SGCZ: variants seen among roughly 807,000 people sequenced by gnomAD.
The protein encoded by SGCZ is sarcoglycan zeta.
SGCZ carries 40 observed loss-of-function variants against 41.3 expected under a neutral mutation model. The observed-to-expected ratio is 0.97, with a 90% CI of 0.75 to 1.26. The LOEUF (loss-of-function observed/expected upper bound fraction) is 1.26, where lower values mean the gene tolerates loss of function less well. Among genes scored for constraint, SGCZ ranks in the 50% most tolerant of loss-of-function variants. The pLI is 0.00. For synonymous variants in SGCZ, 206 were observed against 137.5 expected, an observed-to-expected ratio of 1.50 and a Z score of -3.49; for missense variants, 552 against 369.8, an observed-to-expected ratio of 1.49 and a Z score of -4.04.
intron 1 of SGCZ, among the ~76,000 whole-genome samples, chr8:14,555,888 A>G (rs185219950): frequency 3.9e-5 from 6 of 152,198 alleles, no homozygotes; most frequent in East Asian, 1.9e-4. Flanking sequence ...TGGTTATTTT[A>G]GTTGTATTTC....
chr8:14,985,445 C>T (rs762334290), intron 1 of SGCZ, among the ~76,000 whole-genome samples: 1 of 152,146 alleles, frequency 6.6e-6, no homozygotes, highest in Non-Finnish European at 1.5e-5. Context: ...TTTCAGGCAA[C>T]TTTCCACTAA....
At chr8:15,065,939 C>T (rs1805123716) in intron 1 of SGCZ, among the ~76,000 whole-genome samples, 1 of 152,182 alleles carries the variant, frequency 6.6e-6, no homozygotes, top group African/African-American at 2.4e-5. Context: ...TGAAATTTCA[C>T]GTCTTCCTTT....
intron 1 of SGCZ, among the ~76,000 whole-genome samples, chr8:14,572,840 A>G (rs1411031444): frequency 6.6e-6 from 1 of 152,166 alleles, no homozygotes; most frequent in Non-Finnish European, 1.5e-5. Flanking sequence ...AGATTTTTAA[A>G]TCCAGGTCTG....
intron 3 of SGCZ, among the ~76,000 whole-genome samples, chr8:14,265,914 A>G (rs1001309033): frequency 3.4e-4 from 52 of 151,910 alleles, no homozygotes; most frequent in African/African-American, 1.0e-3. Flanking sequence ...GGGAGAGGAG[A>G]TTTGAAAACA....
intron 2 of SGCZ, among the ~76,000 whole-genome samples, chr8:14,426,033 A>G (rs1045677977): frequency 7.9e-5 from 12 of 152,198 alleles, no homozygotes; most frequent in Non-Finnish European, 1.5e-4. Context: ...TTTAATCCAT[A>G]CAAGAATTCA....
intron 3 of SGCZ, among the ~76,000 whole-genome samples, chr8:14,288,329 G>A (rs914899613): frequency 1.3e-5 from 2 of 151,908 alleles, no homozygotes; most frequent in Non-Finnish European, 2.9e-5. Context: ...CAATTAAGTG[G>A]CAGGTAGTAC....
chr8:14,469,652 C>T (rs1801158401), intron 2 of SGCZ, among the ~76,000 whole-genome samples: 1 of 152,054 alleles, frequency 6.6e-6, no homozygotes, highest in African/African-American at 2.4e-5. Flanking sequence ...CCAGAAAGAC[C>T]AAGGCATGAT....
intron 3 of SGCZ, among the ~76,000 whole-genome samples, chr8:14,281,863 C>A (rs1381812579): frequency 5.4e-5 from 1 of 18,562 alleles, no homozygotes; most frequent in Non-Finnish European, 9.1e-4. Flanking sequence ...CAGAACCATA[C>A]TGTTCTTTTT....
chr8:14,740,078 A>G (rs1012156711), intron 1 of SGCZ, among the ~76,000 whole-genome samples: 2 of 152,058 alleles, frequency 1.3e-5, no homozygotes, highest in Non-Finnish European at 2.9e-5. Context: ...AACGTGAAGC[A>G]TATAATAATA....
At chr8:14,163,791 G>A (rs1471398268) in intron 5 of SGCZ, among the ~76,000 whole-genome samples, 1 of 152,052 alleles carries the variant, frequency 6.6e-6, no homozygotes, top group Non-Finnish European at 1.5e-5. Context: ...AAATTAATAT[G>A]GATAGATACG....
chr8:15,077,196 T>C (rs929260325), intron 1 of SGCZ, among the ~76,000 whole-genome samples: 2 of 152,148 alleles, frequency 1.3e-5, no homozygotes, highest in Non-Finnish European at 2.9e-5. Context: ...CTCGACTTTA[T>C]CAGAAATAAG....
intron 5 of SGCZ, among the ~76,000 whole-genome samples, chr8:14,130,765 A>C (rs941931663): frequency 1.1e-4 from 16 of 152,228 alleles, no homozygotes; most frequent in African/African-American, 3.4e-4. Context: ...CAGCTGTGCC[A>C]ATAGAAAAAG....
At chr8:15,019,371 G>A (rs1217770053) in intron 1 of SGCZ, among the ~76,000 whole-genome samples, 1 of 152,216 alleles carries the variant, frequency 6.6e-6, no homozygotes, top group Non-Finnish European at 1.5e-5. Context: ...TGTGGCGTAT[G>A]CACCCGAGTG....
intron 1 of SGCZ, among the ~76,000 whole-genome samples, chr8:14,656,440 A>T (rs1293265293): frequency 5.2e-4 from 43 of 82,490 alleles, no homozygotes; most frequent in Admixed American, 1.3e-3. Flanking sequence ...TCCCCCCTCT[A>T]TCCCTCCCTT....
chr8:15,133,935 T>C (rs1370872688), intron 1 of SGCZ, among the ~76,000 whole-genome samples: 1 of 152,210 alleles, frequency 6.6e-6, no homozygotes, highest in African/African-American at 2.4e-5. Context: ...GGCATCTATT[T>C]CAATGTTCTG....
intron 1 of SGCZ, among the ~76,000 whole-genome samples, chr8:14,876,878 C>T (rs1217116847): frequency 1.3e-5 from 2 of 152,136 alleles, no homozygotes; most frequent in African/African-American, 4.8e-5. Context: ...GGTCCCCCCG[C>T]CCTGCAATGG....
At chr8:14,387,465 A>C (rs1271214611) in intron 2 of SGCZ, among the ~76,000 whole-genome samples, 5 of 152,206 alleles carry the variant, frequency 3.3e-5, no homozygotes, top group African/African-American at 1.2e-4. Flanking sequence ...TATATTCAGA[A>C]TCAGTTTAAA....
At chr8:14,181,392 A>G (rs1409321930) in intron 4 of SGCZ, among the ~76,000 whole-genome samples, 1 of 152,210 alleles carries the variant, frequency 6.6e-6, no homozygotes, top group Non-Finnish European at 1.5e-5. Flanking sequence ...TGACTGTTTA[A>G]AAAGAAATAG....
At chr8:14,935,075 T>C (rs1481211284) in intron 1 of SGCZ, among the ~76,000 whole-genome samples, 8 of 149,912 alleles carry the variant, frequency 5.3e-5, no homozygotes, top group South Asian at 2.1e-4. Context: ...AATTACAATA[T>C]AGCTAAAGAA....
Sources: allele counts gnomAD v4.1 joint callset (sites outside exome capture counted in the v4.1 genomes callset), GRCh38; gene constraint gnomAD v4.1.1; transcripts MANE v1.5; gene names NCBI Gene and HGNC (gene_info 2026-07-23, HGNC 2026-07-21).